Variants in DENND1A observed in about 807,000 individuals in gnomAD.
DENND1A encodes DENN domain containing 1A.
Under a neutral mutation model 113.7 loss-of-function variants are expected in DENND1A, and 51 were observed. The ratio of observed to expected loss-of-function variants is 0.45; its 90% confidence interval spans 0.36 to 0.57. The LOEUF is 0.57. DENND1A is among the 20% of genes least tolerant of loss of function. The probability of loss-of-function intolerance (pLI) is 0.00; values close to 1 mark genes in which losing one functional copy is unlikely to be tolerated. For missense variants in DENND1A, 1,258 were observed against 1,395.9 expected (o/e 0.90, Z 1.57); for synonymous variants, 565 against 570.8 (o/e 0.99, Z 0.14).
intron 1 of DENND1A, among the ~76,000 whole-genome samples, chr9:123,921,912 C>CTTTTTTTT (rs113646800): frequency 4.9e-5 from 7 of 143,718 alleles, no homozygotes; most frequent in African/African-American, 1.0e-4. Flanking sequence ...CAAAGCCATC[C>CTTTTTTTT]TTTTTTTTTT....
At chr9:123,561,401 G>C (rs1304221454) in intron 12 of DENND1A, among the ~76,000 whole-genome samples, 3 of 152,186 alleles carry the variant, frequency 2.0e-5, no homozygotes, top group African/African-American at 7.2e-5. Context: ...ACTTAGGCCA[G>C]GACTTCTGAA....
intron 3 of DENND1A, among the ~76,000 whole-genome samples, chr9:123,779,768 C>G (rs183434339): frequency 2.6e-5 from 4 of 152,280 alleles, no homozygotes; most frequent in Admixed American, 2.6e-4. Flanking sequence ...TTGGCACATT[C>G]AAGGAACTGA....
chr9:123,508,271 G>C (rs928736130), intron 13 of DENND1A, among the ~76,000 whole-genome samples: 11 of 152,244 alleles, frequency 7.2e-5, no homozygotes, highest in African/African-American at 2.7e-4. Context: ...GTCCGGACCT[G>C]ATAGGACAGA....
At chr9:123,903,275 T>C (rs1208970883) in intron 1 of DENND1A, among the ~76,000 whole-genome samples, 1 of 125,120 alleles carries the variant, frequency 8.0e-6, no homozygotes, top group African/African-American at 3.2e-5. Context: ...GAGCTTGCAG[T>C]GAGCCGAGAT....
At chr9:123,539,357 G>A (rs900126692) in intron 13 of DENND1A, among the ~76,000 whole-genome samples, 3 of 152,112 alleles carry the variant, frequency 2.0e-5, no homozygotes, top group Admixed American at 6.5e-5. Flanking sequence ...TAAATGAAAG[G>A]GGTGGAGGAG....
At chr9:123,799,663 G>A (rs1834321468) in intron 2 of DENND1A, among the ~76,000 whole-genome samples, 2 of 152,198 alleles carry the variant, frequency 1.3e-5, no homozygotes, top group Non-Finnish European at 2.9e-5. Context: ...TCTGTTATGA[G>A]GCCAAGTTCC....
intron 1 of DENND1A, among the ~76,000 whole-genome samples, chr9:123,884,419 C>T (rs1248142391): frequency 6.6e-6 from 1 of 152,092 alleles, no homozygotes; most frequent in Non-Finnish European, 1.5e-5. Flanking sequence ...AAGATATTAC[C>T]ATGGAAATGT....
intron 18 of DENND1A, among the ~76,000 whole-genome samples, chr9:123,446,520 GACTCTAAATCA>G (rs1484535105): frequency 6.6e-6 from 1 of 152,144 alleles, no homozygotes; most frequent in Non-Finnish European, 1.5e-5. Flanking sequence ...CAATCACAGA[GACTCTAAATCA>G]ACAAGCTCGA....
At chr9:123,869,402 T>G (rs1314948769) in intron 2 of DENND1A, among the ~76,000 whole-genome samples, 2 of 152,228 alleles carry the variant, frequency 1.3e-5, no homozygotes, top group Non-Finnish European at 2.9e-5. Flanking sequence ...GAGCTCTCAT[T>G]AGGCTCACCT....
At chr9:123,480,861 G>A (rs1451525090) in intron 13 of DENND1A, among the ~76,000 whole-genome samples, 1 of 152,214 alleles carries the variant, frequency 6.6e-6, no homozygotes, top group Admixed American at 6.5e-5. Context: ...AAATGAAGCT[G>A]CTTTCCGAAA....
intron 16 of DENND1A, among the ~76,000 whole-genome samples, chr9:123,452,714 C>A (rs1035258293): frequency 6.6e-6 from 1 of 152,092 alleles, no homozygotes; most frequent in Non-Finnish European, 1.5e-5. Context: ...CTAGTTACCA[C>A]GGATGACACT....
intron 1 of DENND1A, among the ~76,000 whole-genome samples, chr9:123,900,981 G>C (rs1851523006): frequency 6.6e-6 from 1 of 152,168 alleles, no homozygotes; most frequent in South Asian, 2.1e-4. Flanking sequence ...AAGTTCTAAA[G>C]TTCAAAAGAG....
At chr9:123,655,735 G>A (rs775042913) in intron 8 of DENND1A, among the ~76,000 whole-genome samples, 4 of 152,296 alleles carry the variant, frequency 2.6e-5, no homozygotes, top group Non-Finnish European at 1.5e-5. Context: ...GGACTTCCGC[G>A]GCAGGCTGTC....
chr9:123,711,505 G>GTATGTATGTATATATATATA (rs2066605429), intron 5 of DENND1A, among the ~76,000 whole-genome samples: 1 of 62,558 alleles, frequency 1.6e-5, no homozygotes, highest in African/African-American at 9.0e-5. Context: ...ATATATATAT[G>GTATGTATGTATATATATATA]TATATATGTA....
chr9:123,723,748 C>T (rs2067504931), intron 5 of DENND1A, among the ~76,000 whole-genome samples: 1 of 152,166 alleles, frequency 6.6e-6, no homozygotes, highest in Admixed American at 6.5e-5. Flanking sequence ...ACTGTAAATC[C>T]ATTAAACCTC....
intron 11 of DENND1A, among the ~76,000 whole-genome samples, chr9:123,585,543 A>G (rs1168934454): frequency 6.6e-6 from 1 of 152,224 alleles, no homozygotes; most frequent in Admixed American, 6.5e-5. Flanking sequence ...GCTGAGATTC[A>G]CAGGGGATTG....
intron 13 of DENND1A, among the ~76,000 whole-genome samples, chr9:123,557,103 C>T (rs952047538): frequency 2.0e-5 from 3 of 152,198 alleles, no homozygotes; most frequent in Non-Finnish European, 4.4e-5. Context: ...CGTGGAGGAG[C>T]GGTCCCGTGA....
chr9:123,504,108 C>T (rs549294985), intron 13 of DENND1A, among the ~76,000 whole-genome samples: 8 of 152,352 alleles, frequency 5.3e-5, no homozygotes, highest in African/African-American at 9.6e-5. Flanking sequence ...AGCCCACTTC[C>T]ATGCTGCAAG....
intron 13 of DENND1A, among the ~76,000 whole-genome samples, chr9:123,462,462 G>A (rs1000732301): frequency 9.9e-5 from 15 of 152,236 alleles, no homozygotes; most frequent in Admixed American, 3.3e-4. Context: ...AGTCCTAAAT[G>A]CTTGCCCTGA....
Sources: allele counts gnomAD v4.1 joint callset (sites outside exome capture counted in the v4.1 genomes callset), GRCh38; gene constraint gnomAD v4.1.1; transcripts MANE v1.5; gene names NCBI Gene and HGNC (gene_info 2026-07-23, HGNC 2026-07-21).